ACACA: variants seen among roughly 807,000 people sequenced by gnomAD.
ACACA encodes acetyl-CoA carboxylase alpha.
Under a neutral mutation model 296.1 loss-of-function variants are expected in ACACA, and 103 were observed. That is an observed-to-expected ratio of 0.35 (90% CI 0.30 to 0.41). The LOEUF (loss-of-function observed/expected upper bound fraction) is 0.41, where lower values mean the gene tolerates loss of function less well. Among genes scored for constraint, ACACA ranks in the 10% least tolerant of loss-of-function variants. The pLI is 1.00. For missense variants in ACACA, 1,554 were observed against 2,989.7 expected (o/e 0.52, Z 11.20); for synonymous variants, 953 against 1,038.6 (o/e 0.92, Z 1.58).
intron 22 of ACACA, 47 bp from the exon 23 acceptor site, chr17:37,242,100 G>GC: frequency 6.9e-7 from 1 of 1,448,490 alleles, no homozygotes; most frequent in Non-Finnish European, 9.7e-7. Context: ...CCAACAAAAT[G>GC]CCCCAAAGCA....
At chr17:37,270,524 T>C (rs1004899250) in intron 10 of ACACA, among the ~76,000 whole-genome samples, 1 of 152,200 alleles carries the variant, frequency 6.6e-6, no homozygotes, top group South Asian at 2.1e-4. Context: ...ACAGAATAAC[T>C]CTACTGTTTG....
intron 50 of ACACA, among the ~76,000 whole-genome samples, chr17:37,117,759 C>T (rs1273887923): frequency 6.6e-6 from 1 of 151,002 alleles, no homozygotes; most frequent in Non-Finnish European, 1.5e-5. Context: ...CTTTACTGCT[C>T]GAATTAGACC....
chr17:37,198,754 A>C (rs1256360813), intron 35 of ACACA, among the ~76,000 whole-genome samples: 1 of 152,210 alleles, frequency 6.6e-6, no homozygotes, highest in Admixed American at 6.5e-5. Context: ...TTCTCTATAG[A>C]CTAGACCAAC....
intron 41 of ACACA, among the ~76,000 whole-genome samples, chr17:37,172,840 C>T (rs1362546815): frequency 6.6e-6 from 1 of 152,162 alleles, no homozygotes; most frequent in Non-Finnish European, 1.5e-5. Flanking sequence ...ATGGCAAAGA[C>T]CCTTTTTATA....
rs1567899504 is a variant in ACACA at position 37,260,283 on chromosome 17, TATATATATA to T, written c.1330-762_1330-754del. Among the ~76,000 whole-genome samples, 114 of 38,822 alleles carry T rather than the reference TATATATATA, an allele frequency of 2.9e-3. 7 individuals are homozygous for T. Among genetic ancestry groups the T allele is most frequent in the South Asian group, 9.3e-3 (8 of 856 alleles). 25.5% of individuals were successfully genotyped at this position (38,822 alleles called of 152,430 possible). A position where few individuals can be genotyped will look rare whatever the true frequency, so the allele number is the denominator to read the frequency against. On this transcript the variant is annotated intron_variant, in intron 11 of 55. Transcript: ENST00000616317. ...ATATATATATATATATATATATATA[TATATATATA>T]TATATTTTTTTTTTTTTTTTTTTTG...
intron 3 of ACACA, among the ~76,000 whole-genome samples, chr17:37,287,724 C>T (rs1463276948): frequency 1.3e-5 from 2 of 148,418 alleles, no homozygotes; most frequent in Non-Finnish European, 3.0e-5. Flanking sequence ...GCCTGGGCGA[C>T]AGAGCGAGAC....
chr17:37,362,973 C>CAAAAAA (rs1157570690), intron 1 of ACACA, among the ~76,000 whole-genome samples: 1 of 51,588 alleles, frequency 1.9e-5, no homozygotes, highest in Non-Finnish European at 4.1e-5. Context: ...GACTCCGTCT[C>CAAAAAA]AAAAAAAAAA....
rs190396178 is a variant in ACACA at position 37,187,924 on chromosome 17, C to T, written c.4776+353G>A. On this transcript the variant is annotated intron_variant, in intron 39 of 55. Coordinates refer to ENST00000616317, the MANE Select transcript of ACACA (RefSeq NM_198834.3). ...ATGAGTAGTTTAATTATGGTGAAAACGGAAAGGACGCATCAGACCAGAGAT... is the reference window on the plus strand; with the variant it reads ...ATGAGTAGTTTAATTATGGTGAAAATGGAAAGGACGCATCAGACCAGAGAT... Among the ~76,000 whole-genome samples the T allele has an allele frequency of 2.9e-3, 437 of 152,158 alleles. 8 individuals are homozygous for T. The highest frequency in any genetic ancestry group is 0.026 in the Admixed American group (404 of 15,270).
chr17:37,359,729 C>G (rs543773895), intron 1 of ACACA, among the ~76,000 whole-genome samples: 1 of 152,152 alleles, frequency 6.6e-6, no homozygotes, highest in African/African-American at 2.4e-5. Flanking sequence ...TGGGCAATCG[C>G]GTCCACTACC....
At chr17:37,158,759 T>C (rs1441741406) in intron 42 of ACACA, among the ~76,000 whole-genome samples, 4 of 152,142 alleles carry the variant, frequency 2.6e-5, no homozygotes, top group Non-Finnish European at 5.9e-5. Context: ...ATATTGGCTG[T>C]CTTGCCAAAC....
intron 1 of ACACA, among the ~76,000 whole-genome samples, chr17:37,348,320 C>G (rs2048727170): frequency 6.6e-6 from 1 of 151,934 alleles, no homozygotes; most frequent in South Asian, 2.1e-4. Flanking sequence ...TGGTCATTGC[C>G]AGATTAAAAA....
intron 3 of ACACA, among the ~76,000 whole-genome samples, chr17:37,303,966 A>T (rs956181822): frequency 2.0e-5 from 3 of 152,220 alleles, no homozygotes; most frequent in Non-Finnish European, 4.4e-5. Context: ...AACCTTTGGT[A>T]TTGTGTCTAT....
intron 1 of ACACA, among the ~76,000 whole-genome samples, chr17:37,390,131 A>T (rs1470028264): frequency 3.1e-5 from 1 of 32,154 alleles, no homozygotes; most frequent in Non-Finnish European, 5.1e-5. Context: ...GTCTCTATTA[A>T]AAAAAAAAGT....
intron 2 of ACACA, among the ~76,000 whole-genome samples, chr17:37,330,850 T>G (rs1167288494): frequency 6.6e-6 from 1 of 152,192 alleles, no homozygotes; most frequent in African/African-American, 2.4e-5. Flanking sequence ...GAAATAATAT[T>G]TAAACTACAT....
In ACACA at chr17:37,111,647, G is replaced by C. The variant is rs749401015; in HGVS notation, c.6453-4C>G. On this transcript the variant is annotated splice_region_variant and splice_polypyrimidine_tract_variant and intron_variant, in intron 51 of 55. Transcript: ENST00000616317. ...TTCTGGCTCCAGAACAGATCCCCTG[G>C]ATCAGAAAGAAAGAAAAAACAAAAC... is the stretch of plus-strand genomic sequence containing the variant. 1 of 1,609,000 alleles carries C rather than the reference G, an allele frequency of 6.2e-7. No individual in the cohort carries two copies. Among genetic ancestry groups the C allele is most frequent in the Non-Finnish European group, 8.5e-7 (1 of 1,175,434 alleles).
In ACACA at chr17:37,115,981, C is replaced by CT. The variant is rs892423114; in HGVS notation, c.6275-2717dup. Among the ~76,000 whole-genome samples the CT allele has an allele frequency of 3.7e-3, 535 of 145,856 alleles. 7 individuals are homozygous for CT. Among genetic ancestry groups the CT allele is most frequent in the East Asian group, 7.5e-3 (38 of 5,066 alleles). On this transcript the variant is annotated intron_variant, in intron 50 of 55. Transcript: ENST00000616317. The stretch of plus-strand genomic sequence containing the variant: ...AATGTCCACATTCTACTACTTCATT[C>CT]TTTTTTTTTTTTGAGGTGGGGAGCG...
At chr17:37,249,337 T>C (rs912050833) in intron 16 of ACACA, among the ~76,000 whole-genome samples, 1 of 152,234 alleles carries the variant, frequency 6.6e-6, no homozygotes, top group Non-Finnish European at 1.5e-5. Flanking sequence ...GCAAGTATCT[T>C]TCAGACCCTG....
At chr17:37,122,200 T>C (rs1230062819) in intron 49 of ACACA, among the ~76,000 whole-genome samples, 1 of 152,216 alleles carries the variant, frequency 6.6e-6, no homozygotes, top group African/African-American at 2.4e-5. Context: ...GCTGTAGCTC[T>C]TCCATGTGTA....
rs1432685658 is a variant in ACACA at position 37,260,302 on chromosome 17, T to A, written c.1330-772A>T. Among the ~76,000 whole-genome samples, 217 of 50,118 alleles carry A rather than the reference T, an allele frequency of 4.3e-3. 1 individual carries two copies. The highest frequency in any genetic ancestry group is 0.033 in the African/African-American group (183 of 5,586). The allele number at this position is 50,118 out of a possible 152,430, so 32.9% of individuals were successfully genotyped here. On this transcript the variant is annotated intron_variant, in intron 11 of 55. Coordinates refer to ENST00000616317, the MANE Select transcript of ACACA (RefSeq NM_198834.3). ...TATATATATATATATATATATTTTT[T>A]TTTTTTTTTTTTTTGGAGATGGAGT...
Sources: gnomAD v4.1 joint callset for allele counts (sites outside exome capture counted in the v4.1 genomes callset) on GRCh38, gnomAD v4.1.1 for gene constraint, MANE v1.5 for transcripts, NCBI Gene and HGNC (gene_info 2026-07-23, HGNC 2026-07-21) for gene names.